KPNA2: variants seen among roughly 807,000 people sequenced by gnomAD.
KPNA2 encodes importin subunit alpha-1.
In KPNA2, 20 loss-of-function variants were observed where a neutral mutation model predicts 53.7. The observed-to-expected ratio is 0.37, with a 90% confidence interval of 0.26 to 0.54. KPNA2 has a LOEUF of 0.54. Ranked by LOEUF, KPNA2 falls within the 20% of genes least tolerant of loss-of-function variation. KPNA2 has a pLI of 0.83. For synonymous variants in KPNA2, 238 were observed against 227.5 expected (o/e 1.05, Z -0.42); for missense variants, 515 against 640.3 (o/e 0.80, Z 2.11).
chr17:68,042,091 A>G lies in KPNA2; in HGVS notation c.309A>G (p.Leu103=). 6.2e-7 allele frequency: 1 copy of G among 1,612,480 alleles called. No individual in the cohort carries two copies. The highest frequency in any genetic ancestry group is 8.5e-7 in the Non-Finnish European group (1 of 1,178,650). Residue 103 remains leucine, a synonymous_variant, in exon 5 of 11, where the codon CTA becomes CTG. Transcript: ENST00000330459. ...QLQATQAARK[L]LSREKQPPID... is the part of the protein sequence containing the mutation. ...TCTTTTTGTTCCCCTTTAGGAAACTACTTTCCAGAGAAAAACAGCCCCCCA... is the reference window on the plus strand; with the variant it reads ...TCTTTTTGTTCCCCTTTAGGAAACTGCTTTCCAGAGAAAAACAGCCCCCCA...
intron 1 of KPNA2, 173 bp from the exon 2 acceptor site, chr17:68,036,937 G>A: frequency 1.8e-6 from 1 of 545,662 alleles, no homozygotes; most frequent in Non-Finnish European, 3.2e-6. Flanking sequence ...AGAGGGAAGG[G>A]GGACACTTCC....
At chr17:68,044,149 A>G in intron 8 of KPNA2, 78 bp downstream of exon 8, 1 of 1,382,292 alleles carries the variant, frequency 7.2e-7, no homozygotes, top group Non-Finnish European at 1.0e-6. Flanking sequence ...CTTCACGTGC[A>G]AGAATCTTGG....
chr17:68,044,199 C>T lies in KPNA2; in HGVS notation c.1165-122C>T, dbSNP rs1267387881. 14 of 1,248,778 alleles carry T rather than the reference C, an allele frequency of 1.1e-5. No homozygotes were observed. The Admixed American group carries it at 2.5e-4, about 23-fold the overall frequency. 77.4% of individuals were successfully genotyped at this position (1,248,778 alleles called of 1,614,324 possible). A position where few individuals can be genotyped will look rare whatever the true frequency, so the allele number is the denominator to read the frequency against. ...CCTTTGCTGAACAATACCCAGTAAC[C>T]CCTTTTACTTAAGGTTGGATAGAAC... is the stretch of plus-strand genomic sequence containing the variant. On this transcript the variant is annotated intron_variant, in intron 8 of 10. Coordinates refer to ENST00000330459, the MANE Select transcript of KPNA2 (RefSeq NM_002266.4).
intron 10 of KPNA2, among the ~76,000 whole-genome samples, chr17:68,046,206 TAGAG>T (rs2071328547): frequency 6.6e-6 from 1 of 152,114 alleles, no homozygotes; most frequent in African/African-American, 2.4e-5. Flanking sequence ...TAGGAGGTGA[TAGAG>T]AAGTAGGCCA....
rs1555705043 is a variant in KPNA2 at position 68,043,969 on chromosome 17, A to T, written c.1062A>T (p.Glu354Asp). 5.0e-6 allele frequency: 8 copies of T among 1,613,994 alleles called. No homozygotes were observed. The highest frequency in any genetic ancestry group is 5.1e-6 in the Non-Finnish European group (6 of 1,179,892). ...ACCCCAAAACTAACATTCAGAAGGA[A>T]GCTACGTGGACAATGTCAAACATCA... ...LTNPKTNIQKEATWTMSNITA... is the reference protein window; with the variant it reads ...LTNPKTNIQKDATWTMSNITA... Residue 354 changes from glutamate (E) to aspartate (D), a missense_variant, in exon 8 of 11, where the codon GAA becomes GAT. Glu to Asp is a conservative substitution (Grantham distance 45). Coordinates refer to ENST00000330459, the MANE Select transcript of KPNA2 (RefSeq NM_002266.4).
chr17:68,041,043 T>C (rs1599140773), intron 4 of KPNA2, among the ~76,000 whole-genome samples: 1 of 152,182 alleles, frequency 6.6e-6, no homozygotes, highest in East Asian at 1.9e-4. Flanking sequence ...CACCTGCCCA[T>C]AAAGTTTTTA....
At chr17:68,043,071 C>A (rs1305741240) in intron 6 of KPNA2, 29 bp from the exon 7 acceptor site, 2 of 1,612,316 alleles carry the variant, frequency 1.2e-6, no homozygotes, top group East Asian at 4.5e-5. Flanking sequence ...AAAGACAGAA[C>A]CTCTCATTGC....
At chr17:68,039,502 C>T (rs1012772112) in intron 3 of KPNA2, among the ~76,000 whole-genome samples, 6 of 150,652 alleles carry the variant, frequency 4.0e-5, no homozygotes, top group Non-Finnish European at 8.9e-5. Flanking sequence ...AATCCTCGGC[C>T]GGGTGTGGTG....
intron 4 of KPNA2, 70 bp from the exon 5 acceptor site, chr17:68,042,015 T>C: frequency 7.5e-7 from 1 of 1,336,894 alleles, no homozygotes; most frequent in Non-Finnish European, 1.0e-6. Context: ...TTGCATTTTA[T>C]ATTGGTTTTT....
chr17:68,039,412 C>CGA (rs2071227869), intron 3 of KPNA2, among the ~76,000 whole-genome samples: 1 of 151,718 alleles, frequency 6.6e-6, no homozygotes, highest in Non-Finnish European at 1.5e-5. Context: ...CGAGCCACTT[C>CGA]GCCCAGCCAA....
Position 68,044,482 on chromosome 17 carries a change from TG to T in KPNA2, c.1327del (p.Ala443ProfsTer12). 6.2e-7 allele frequency: 1 copy of T among 1,613,686 alleles called. No homozygotes were observed. Among genetic ancestry groups the T allele is most frequent in the Non-Finnish European group, 8.5e-7 (1 of 1,179,814 alleles). ...CCAAGATTATTCTGGTTATCCTGGA[TG>T]CCATTTCAAATATCTTTCAGGTAAG... ...DTKIILVILD[A>X]ISNIFQAAEK... On this transcript the variant is annotated frameshift_variant, in exon 9 of 11. Transcript: ENST00000330459. LOFTEE classifies it high-confidence loss of function.
chr17:68,039,711 T>A (rs1386359821), intron 3 of KPNA2, among the ~76,000 whole-genome samples: 2 of 133,216 alleles, frequency 1.5e-5, no homozygotes, highest in African/African-American at 2.9e-5. Context: ...ACCCGGGAGG[T>A]GGAGGCGGTG....
chr17:68,040,557 A>C, intron 3 of KPNA2, 121 bp from the exon 4 acceptor site: 1 of 648,296 alleles, frequency 1.5e-6, no homozygotes. Flanking sequence ...ATGTAGGGCT[A>C]AATATTTAGT....
chr17:68,037,586 A>C (rs2071205466), intron 3 of KPNA2, 91 bp downstream of exon 3: 9 of 1,254,610 alleles, frequency 7.2e-6, no homozygotes, highest in Middle Eastern at 2.0e-4. Context: ...TAACATTTCT[A>C]GTCTTAACGG....
intron 4 of KPNA2, among the ~76,000 whole-genome samples, chr17:68,041,692 C>CTCTA (rs1331111265): frequency 6.6e-6 from 1 of 152,174 alleles, no homozygotes; most frequent in Non-Finnish European, 1.5e-5. Context: ...TGGCACTGCA[C>CTCTA]TCTAGCCTGA....
At chr17:68,043,490 G>C (rs148080905) in intron 7 of KPNA2, 127 bp downstream of exon 7, 2 of 878,010 alleles carry the variant, frequency 2.3e-6, no homozygotes, top group African/African-American at 1.7e-5. Context: ...GATCACCTGA[G>C]GTCAGGAGTT....
chr17:68,046,832 A>G lies in KPNA2; in HGVS notation c.*236A>G, dbSNP rs376076055. 3.1e-4 allele frequency: 106 copies of G among 337,522 alleles called. 1 individual carries two copies. The highest frequency in any genetic ancestry group is 2.3e-3 in the East Asian group (45 of 19,566). The allele number at this position is 337,522 out of a possible 1,614,324, so 20.9% of individuals were successfully genotyped here. On this transcript the variant is annotated 3_prime_UTR_variant, in exon 11 of 11. Transcript: ENST00000330459. ...GCAGCATCCTGTAAATAAACATTCA[A>G]GTCCACCCTTTTCTTGACTTCACCA...
At chr17:68,043,507 C>T in intron 7 of KPNA2, 144 bp downstream of exon 7, 3 of 730,770 alleles carry the variant, frequency 4.1e-6, no homozygotes, top group East Asian at 2.5e-5. Flanking sequence ...AGTTCGAGAC[C>T]AGCCTGGCCA....
At chr17:68,042,755 G>A (rs954248373) in intron 5 of KPNA2, 150 bp from the exon 6 acceptor site, 12 of 669,956 alleles carry the variant, frequency 1.8e-5, no homozygotes, top group Non-Finnish European at 2.6e-5. Flanking sequence ...GGCGGCGGGC[G>A]CCTGAGGCTG....
Sources: allele counts gnomAD v4.1 joint callset (sites outside exome capture counted in the v4.1 genomes callset), GRCh38; gene constraint gnomAD v4.1.1; transcripts MANE v1.5; gene names NCBI Gene and HGNC (gene_info 2026-07-23, HGNC 2026-07-21).